The following PIEZO1 variants were observed in gnomAD, a reference collection of about 807,000 sequenced individuals.
PIEZO1 encodes the protein piezo type mechanosensitive ion channel component 1 (Er blood group), also known as piezo-type mechanosensitive ion channel component 1.
In PIEZO1, 296 loss-of-function variants were observed where a neutral mutation model predicts 297.2. That is an observed-to-expected ratio of 1.00 (90% confidence interval 0.91 to 1.10). The LOEUF (loss-of-function observed/expected upper bound fraction) is 1.10, where lower values mean the gene tolerates loss of function less well. PIEZO1 is among the 50% of genes least tolerant of loss of function. The probability of loss-of-function intolerance (pLI) is 0.00; values close to 1 mark genes in which losing one functional copy is unlikely to be tolerated. For synonymous variants in PIEZO1, 2,427 were observed against 1,507.5 expected (o/e 1.61, Z -14.13); for missense variants, 5,018 against 3,455.5 (o/e 1.45, Z -11.34).
In PIEZO1 at chr16:88,727,061, C is replaced by T. The variant is rs569847841; in HGVS notation, c.3433G>A (p.Val1145Met). The change falls in exon 24 of 51, where the codon GTG becomes ATG. Residue 1145 changes from valine (V) to methionine (M), a missense_variant. Val to Met is a conservative substitution (Grantham distance 21). Coordinates refer to ENST00000301015, the MANE Select transcript of PIEZO1 (RefSeq NM_001142864.4). ...CACCTGCAGTGGATAAAGTTGGGCACGGGGTTGGGCTCCCCCCGCAGCGGC... is the reference window on the plus strand; with the variant it reads ...CACCTGCAGTGGATAAAGTTGGGCATGGGGTTGGGCTCCCCCCGCAGCGGC... The part of the protein sequence containing the change: ...LEPLRGEPNP[V>M]PNFIHCRSYL... 5.0e-5 allele frequency: 78 copies of T among 1,548,910 alleles called. No individual in the cohort carries two copies. The highest frequency in any genetic ancestry group is 5.8e-5 in the Non-Finnish European group (66 of 1,145,948).
intron 22 of PIEZO1, among the ~76,000 whole-genome samples, chr16:88,729,866 C>T (rs1010095273): frequency 3.3e-5 from 5 of 151,810 alleles, no homozygotes; most frequent in Non-Finnish European, 7.4e-5. Flanking sequence ...GAACCCAGGA[C>T]ATGCTGAACC....
chr16:88,731,758 G>C lies in PIEZO1; in HGVS notation c.3144C>G (p.Phe1048Leu), dbSNP rs1269348218. ...WPNYCLFLAL[F>L]LLYQYLLCLG... ...GGCACAGCAGGTACTGGTACAGCAG[G>C]AACAGCGCCAGGAAGAGGCAGTAGT... Residue 1048 changes from phenylalanine to leucine, a missense_variant, in exon 22 of 51, where the codon TTC becomes TTG. Physicochemically the swap from Phe to Leu is conservative, Grantham distance 22. Transcript: ENST00000301015. 6.5e-7 allele frequency: 1 copy of C among 1,549,688 alleles called. No homozygotes were observed. Among genetic ancestry groups the C allele is most frequent in the Non-Finnish European group, 8.7e-7 (1 of 1,146,840 alleles).
intron 1 of PIEZO1, among the ~76,000 whole-genome samples, chr16:88,774,857 G>C (rs948855365): frequency 6.6e-6 from 1 of 152,214 alleles, no homozygotes; most frequent in Admixed American, 6.5e-5. Flanking sequence ...CCTCCTGGGC[G>C]CTGAAACCAC....
chr16:88,735,683 C>T (rs139059538), intron 12 of PIEZO1, among the ~76,000 whole-genome samples: 2 of 152,388 alleles, frequency 1.3e-5, no homozygotes, highest in Admixed American at 6.5e-5. Flanking sequence ...TGTCCAGACA[C>T]GATGCTGGCA....
At position 88,715,664 on chromosome 16, in the gene PIEZO1, G is replaced by A; in HGVS notation, c.7507C>T (p.Leu2503Phe). Residue 2503 changes from leucine to phenylalanine, a missense_variant, in exon 51 of 51, where the codon CTC becomes TTC. Coordinates refer to ENST00000301015, the MANE Select transcript of PIEZO1 (RefSeq NM_001142864.4). ...TCCGGTGAGCGGTAGAGGAAGATGA[G>A]CTTGGCGTACAACTCCTCCTCCAGC... is the stretch of plus-strand genomic sequence containing the variant. The part of the protein sequence containing the change: ...LELEEELYAK[L>F]IFLYRSPETM... The A allele has an allele frequency of 1.0e-5, 16 of 1,550,332 alleles. No homozygotes were observed. The highest frequency in any genetic ancestry group is 1.4e-5 in the Non-Finnish European group (16 of 1,146,958).
At chr16:88,722,721 G>C in intron 34 of PIEZO1, 32 bp from the exon 35 acceptor site, 2 of 1,530,588 alleles carry the variant, frequency 1.3e-6, no homozygotes, top group African/African-American at 1.4e-5. Flanking sequence ...TCAGGGCTGC[G>C]TCCAGCTCTT....
At chr16:88,753,324 G>A (rs1308024884) in intron 1 of PIEZO1, among the ~76,000 whole-genome samples, 8 of 84,882 alleles carry the variant, frequency 9.4e-5, no homozygotes, top group African/African-American at 3.4e-4. Flanking sequence ...CCCGCCCCCG[G>A]AGCACACCTG....
chr16:88,777,157 G>A (rs552928197), intron 1 of PIEZO1, among the ~76,000 whole-genome samples: 3 of 152,348 alleles, frequency 2.0e-5, no homozygotes, highest in African/African-American at 7.2e-5. Context: ...ATTTTCAGTA[G>A]GGACAGGGTT....
chr16:88,717,723 A>G (rs1245674359), intron 44 of PIEZO1: 1 of 439,262 alleles, frequency 2.3e-6, no homozygotes, highest in Non-Finnish European at 4.5e-6. Context: ...AATTGGAGAA[A>G]TTTTCTGCAA....
At chr16:88,735,537 C>G (rs1905154075) in intron 12 of PIEZO1, among the ~76,000 whole-genome samples, 1 of 152,284 alleles carries the variant, frequency 6.6e-6, no homozygotes, top group Non-Finnish European at 1.5e-5. Context: ...ATGCACGCAC[C>G]TGCACACATG....
rs538459758 is a variant in PIEZO1 at position 88,724,883 on chromosome 16, A to G, written c.4234+126T>C. On this transcript the variant is annotated intron_variant, in intron 30 of 50. Coordinates refer to ENST00000301015, the MANE Select transcript of PIEZO1 (RefSeq NM_001142864.4). The stretch of plus-strand genomic sequence containing the variant: ...GGCACCCCCCGACCCAGGAGGCCTG[A>G]GCACGTCCTGACGCTCAGGGCCTGG... The G allele has an allele frequency of 5.4e-5, 33 of 609,428 alleles. No individual in the cohort carries two copies. In the South Asian group the frequency reaches 8.5e-4, roughly 16 times the overall value. 37.8% of individuals were successfully genotyped at this position (609,428 alleles called of 1,614,324 possible). A position where few individuals can be genotyped will look rare whatever the true frequency, so the allele number is the denominator to read the frequency against.
At chr16:88,748,496 C>G (rs996603160) in intron 2 of PIEZO1, among the ~76,000 whole-genome samples, 32 of 151,872 alleles carry the variant, frequency 2.1e-4, no homozygotes, top group Admixed American at 3.9e-4. Flanking sequence ...GCTCCCCCCC[C>G]CCCCCGCACA....
At chr16:88,751,823 C>T (rs1247246138) in intron 1 of PIEZO1, among the ~76,000 whole-genome samples, 6 of 152,206 alleles carry the variant, frequency 3.9e-5, no homozygotes, top group Non-Finnish European at 2.9e-5. Context: ...GAAGGTGGCA[C>T]CTCCCCTCTG....
Position 88,780,398 on chromosome 16 carries a change from A to AGC in PIEZO1, c.64+4502_64+4503insGC, listed in dbSNP as rs1555513296. Among the ~76,000 whole-genome samples, 29 of 131,164 alleles carry AGC rather than the reference A, an allele frequency of 2.2e-4. No individual in the cohort carries two copies. In the East Asian group the frequency reaches 6.1e-3, roughly 28 times the overall value. The allele number at this position is 131,164 out of a possible 152,430, so 86.0% of individuals were successfully genotyped here. On this transcript the variant is annotated intron_variant, in intron 1 of 50. Coordinates refer to ENST00000301015, the MANE Select transcript of PIEZO1 (RefSeq NM_001142864.4). ...AGAGGATGTGGGTGGGGGTAGGGGA[A>AGC]GGGGGGGTCCCACCTCACAGTCACC...
intron 19 of PIEZO1, 186 bp from the exon 20 acceptor site, chr16:88,732,918 C>T (rs990069722): frequency 3.2e-5 from 20 of 624,642 alleles, no homozygotes; most frequent in East Asian, 5.6e-5. Context: ...AGGGAGACCA[C>T]GGGCAGGGGC....
intron 1 of PIEZO1, among the ~76,000 whole-genome samples, chr16:88,774,686 G>T (rs559632201): frequency 6.6e-6 from 1 of 152,344 alleles, no homozygotes; most frequent in East Asian, 1.9e-4. Flanking sequence ...CAAGGATGGG[G>T]CCCAAGGGCA....
At position 88,723,110 on chromosome 16, in the gene PIEZO1, CG is replaced by C. The variant is rs781735504; in HGVS notation, c.4479del (p.Glu1494ArgfsTer15). 2 of 1,548,500 alleles carry C rather than the reference CG, an allele frequency of 1.3e-6. No individual in the cohort carries two copies. The highest frequency in any genetic ancestry group is 2.4e-5 in the South Asian group (2 of 84,046). On this transcript the variant is annotated frameshift_variant, in exon 33 of 51. Transcript: ENST00000301015. LOFTEE classifies it high-confidence loss of function. ...GCCCACGTACCTGCCGCTGCCTCCT[CG>C]GGGCCCTCTGCTGGCTCCACCTCCT... is the stretch of plus-strand genomic sequence containing the variant. ...PSQEVEPAEGPEEAAAGRSHV... is the reference protein window; with the variant it reads ...PSQEVEPAEGXEEAAAGRSHV...
At position 88,721,166 on chromosome 16, in the gene PIEZO1, C is replaced by T. The variant is rs759031982; in HGVS notation, c.5668G>A (p.Glu1890Lys). 1.7e-5 allele frequency: 25 copies of T among 1,499,390 alleles called. No homozygotes were observed. The highest frequency in any genetic ancestry group is 2.5e-5 in the South Asian group (2 of 80,342). 92.9% of individuals were successfully genotyped at this position (1,499,390 alleles called of 1,614,324 possible). ...GPARKGAAAIEAEDREEEEGE... is the reference protein window; with the variant it reads ...GPARKGAAAIKAEDREEEEGE... ...AGGTTGTGAGGCAGGGCGCTTATAC[C>T]GATGGCTGCCGCTCCTTTCCGTGCT... The change falls in exon 39 of 51, where the codon GAA becomes AAA. Residue 1890 changes from glutamate (E) to lysine (K), a missense_variant and splice_region_variant. Transcript: ENST00000301015.
At chr16:88,730,487 A>T (rs1193043709) in intron 22 of PIEZO1, among the ~76,000 whole-genome samples, 1 of 150,712 alleles carries the variant, frequency 6.6e-6, no homozygotes, top group African/African-American at 2.4e-5. Flanking sequence ...AATCCTAGCC[A>T]CGAGGGAGGC....
Sources: allele counts gnomAD v4.1 joint callset (sites outside exome capture counted in the v4.1 genomes callset), GRCh38; gene constraint gnomAD v4.1.1; transcripts MANE v1.5; gene names NCBI Gene and HGNC (gene_info 2026-07-23, HGNC 2026-07-21).